FAM186B: variants seen among roughly 807,000 people sequenced by gnomAD.
FAM186B encodes the protein protein FAM186B.
FAM186B carries 68 observed loss-of-function variants against 83.4 expected under a neutral mutation model. That is an observed-to-expected ratio of 0.81 (90% confidence interval 0.67 to 1.00). The LOEUF is 1.00. Among genes scored for constraint, FAM186B ranks in the 50% least tolerant of loss-of-function variants. The pLI is 0.00. For missense variants in FAM186B, 983 were observed against 1,099.2 expected, an observed-to-expected ratio of 0.89 and a Z score of 1.49; for synonymous variants, 389 against 422.0, an observed-to-expected ratio of 0.92 and a Z score of 0.96.
At chr12:49,587,476 C>T, downstream of FAM186B, 1 of 1,326,174 alleles carries the variant, frequency 7.5e-7, no homozygotes, top group Non-Finnish European at 1.1e-6. Flanking sequence ...CTCTCTCTAT[C>T]TGGTGTGGGA....
At chr12:49,599,366 T>C in intron 4 of FAM186B, 103 bp downstream of exon 4, 1 of 1,417,612 alleles carries the variant, frequency 7.1e-7, no homozygotes, top group South Asian at 1.8e-5. Context: ...GGGGTGGCTC[T>C]CCCCATCCCC....
chr12:49,592,905 G>A (rs1296909456), intron 5 of FAM186B, among the ~76,000 whole-genome samples: 1 of 152,080 alleles, frequency 6.6e-6, no homozygotes, highest in Non-Finnish European at 1.5e-5. Flanking sequence ...CAGGAAAAGA[G>A]GGAAAAAAAC....
At chr12:49,599,387 T>C (rs1939809563) in intron 4 of FAM186B, 82 bp downstream of exon 4, 1 of 1,457,074 alleles carries the variant, frequency 6.9e-7, no homozygotes, top group African/African-American at 1.4e-5. Context: ...CCTTGCCCTG[T>C]GTTCCTTCTC....
At chr12:49,619,033 A>T in the FAM186B span, among the ~76,000 whole-genome samples, 1 of 152,260 alleles carries the variant, frequency 6.6e-6, no homozygotes, top group African/African-American at 2.4e-5. Context: ...CAGACTTCTC[A>T]TTCTCCACAG....
At position 49,603,248 on chromosome 12, in the gene FAM186B, C is replaced by G. The variant is rs1405028425; in HGVS notation, c.442G>C (p.Gly148Arg). Residue 148 changes from glycine (G) to arginine (R), a missense_variant, in exon 3 of 7, where the codon GGC (glycine) becomes CGC (arginine). Transcript: ENST00000257894. Reference sequence around the variant, plus strand: ...CAAAGGGCAGTGAGTGACTCGATGCCTCTTTTGGTGGCAATGAGGGACAGC... The same window carrying G: ...CAAAGGGCAGTGAGTGACTCGATGCGTCTTTTGGTGGCAATGAGGGACAGC... ...LPLSLIATKR[G>R]IESLTALCST... The G allele has an allele frequency of 6.2e-7, 1 of 1,614,194 alleles. No individual in the cohort carries two copies. Among genetic ancestry groups the G allele is most frequent in the South Asian group, 1.1e-5 (1 of 91,084 alleles).
At position 49,587,607 on chromosome 12, in the gene FAM186B, A is replaced by G; in HGVS notation, c.2680T>C (p.Ter894GlnextTer14). Reference protein sequence around the residue: ...DIPRLLTLDV* With the variant: ...DIPRLLTLDVQ ...TTCAGGCTTTTGTGGCAGGAGGACT[A>G]CACGTCCAGTGTCAACAGCCGGGGA... Residue 894 changes from the stop codon to glutamine (Q), a stop_lost, in exon 7 of 7, where the codon TAG becomes CAG. Coordinates refer to ENST00000257894, the MANE Select transcript of FAM186B (RefSeq NM_032130.3). The G allele has an allele frequency of 6.2e-7, 1 of 1,613,348 alleles. No individual in the cohort carries two copies. Among genetic ancestry groups the G allele is most frequent in the South Asian group, 1.1e-5 (1 of 91,066 alleles).
At position 49,603,225 on chromosome 12, in the gene FAM186B, A is replaced by C. The variant is rs900727178; in HGVS notation, c.465T>G (p.Leu155=). 6.2e-7 allele frequency: 1 copy of C among 1,614,174 alleles called. No individual in the cohort carries two copies. Residue 155 remains leucine (L), a synonymous_variant, in exon 3 of 7, where the codon CTT becomes CTG. Coordinates refer to ENST00000257894, the MANE Select transcript of FAM186B (RefSeq NM_032130.3). ...TTTGTCCTTCAATGAGAGTGGAGCA[A>C]AGGGCAGTGAGTGACTCGATGCCTC... ...TKRGIESLTA[L]CSTLIEGQKK... is the part of the protein sequence containing the mutation.
At position 49,605,492 on chromosome 12, in the gene FAM186B, TC is replaced by T. The variant is rs1565814086; in HGVS notation, c.-16del. On this transcript the variant is annotated 5_prime_UTR_variant, in exon 1 of 7. The change abolishes the stop of an existing upstream ORF in the 5' untranslated region. Transcript: ENST00000257894. ...TCCTTCTCCATTTTGGATCACTCTG[TC>T]AGTCACAAAACATCCTGTGTTTCTG... 6.2e-7 allele frequency: 1 copy of T among 1,610,636 alleles called. No homozygotes were observed. Among genetic ancestry groups the T allele is most frequent in the African/African-American group, 1.3e-5 (1 of 74,992 alleles).
upstream of FAM186B, among the ~76,000 whole-genome samples, chr12:49,607,940 T>C (rs1940052197): frequency 6.6e-6 from 1 of 151,822 alleles, no homozygotes; most frequent in African/African-American, 2.4e-5. Context: ...CCCCAGGTGA[T>C]CCACCCACCT....
Position 49,600,496 on chromosome 12 carries a change from T to C in FAM186B, c.1144A>G (p.Ser382Gly), listed in dbSNP as rs557876589. 2.5e-6 allele frequency: 4 copies of C among 1,614,046 alleles called. No homozygotes were observed. The highest frequency in any genetic ancestry group is 4.5e-5 in the East Asian group (2 of 44,878). Residue 382 changes from serine (S) to glycine (G), a missense_variant, in exon 4 of 7, where the codon AGT (serine) becomes GGT (glycine). Coordinates refer to ENST00000257894, the MANE Select transcript of FAM186B (RefSeq NM_032130.3). The surrounding 1 kb of genome is among the most constrained non-coding windows in gnomAD (Gnocchi z 4.3). ...PPSPMAMIRD[S>G]GAIAAGHQPL... The stretch of plus-strand genomic sequence containing the variant: ...TGGTGCCCTGCAGCTATAGCACCAC[T>C]GTCCCGTATCATGGCCATGGGACTT...
Position 49,603,229 on chromosome 12 carries a change from G to A in FAM186B, c.461C>T (p.Ala154Val), listed in dbSNP as rs1302830751. The A allele has an allele frequency of 1.9e-6, 3 of 1,614,172 alleles. No individual in the cohort carries two copies. Among genetic ancestry groups the A allele is most frequent in the Non-Finnish European group, 2.5e-6 (3 of 1,180,040 alleles). The change falls in exon 3 of 7, where the codon GCC (alanine) becomes GTC (valine). Residue 154 changes from alanine to valine, a missense_variant. Transcript: ENST00000257894. Reference sequence around the variant, plus strand: ...TCCTTCAATGAGAGTGGAGCAAAGGGCAGTGAGTGACTCGATGCCTCTTTT... The same window carrying A: ...TCCTTCAATGAGAGTGGAGCAAAGGACAGTGAGTGACTCGATGCCTCTTTT... ...ATKRGIESLT[A>V]LCSTLIEGQK...
the FAM186B span, among the ~76,000 whole-genome samples, chr12:49,615,403 G>C: frequency 6.6e-6 from 1 of 152,218 alleles, no homozygotes; most frequent in Non-Finnish European, 1.5e-5. Flanking sequence ...ACATGTATTT[G>C]ATAAAGGAGT....
rs747540745 is a variant in FAM186B, at chr12:49,599,755, G to A, written c.1885C>T (p.Pro629Ser). 8.7e-6 allele frequency: 14 copies of A among 1,614,152 alleles called. No homozygotes were observed. The South Asian group carries it at 1.4e-4, about 16-fold the overall frequency. Residue 629 changes from proline (P) to serine (S), a missense_variant, in exon 4 of 7, where the codon CCC becomes TCC. Transcript: ENST00000257894. ...ACAGGAAAGGAGGCAGATTTCTTGG[G>A]CTTTGTGGGAACTCGGCGGGTCCGT... ...RPRTRRVPTK[P>S]KKSASFPVTG...
chr12:49,588,287 G>A (rs1159435871), intron 6 of FAM186B, among the ~76,000 whole-genome samples, 167 bp downstream of exon 6: 1 of 152,224 alleles, frequency 6.6e-6, no homozygotes, highest in African/African-American at 2.4e-5. Context: ...GTGGGTCAGT[G>A]GCCAGCACTG....
intron 2 of FAM186B, among the ~76,000 whole-genome samples, chr12:49,603,682 G>T (rs1003388186): frequency 2.0e-5 from 3 of 152,184 alleles, no homozygotes; most frequent in African/African-American, 7.2e-5. Context: ...GCTCTATGCC[G>T]ATTGCCTAGT....
At chr12:49,589,656 CAAAG>C (rs1012723052) in intron 5 of FAM186B, among the ~76,000 whole-genome samples, 24 of 151,226 alleles carry the variant, frequency 1.6e-4, no homozygotes, top group East Asian at 3.9e-4. Flanking sequence ...AAAAAAAAGA[CAAAG>C]AAGTTAAATC....
chr12:49,607,714 TTCTGAGACAGAGTCTTAC>T (rs1192878196), upstream of FAM186B, among the ~76,000 whole-genome samples: 1 of 152,208 alleles, frequency 6.6e-6, no homozygotes, highest in Non-Finnish European at 1.5e-5. Flanking sequence ...TTTTAATTTT[TTCTGAGACAGAGTCTTAC>T]TCTGTTGCCC....
upstream of FAM186B, among the ~76,000 whole-genome samples, chr12:49,610,521 T>G (rs1940073048): frequency 6.6e-6 from 1 of 152,224 alleles, no homozygotes. Context: ...CTGGGCGTGG[T>G]GGCTCACGCC....
chr12:49,594,321 CATT>C (rs1367494706), intron 5 of FAM186B: 31 of 179,618 alleles, frequency 1.7e-4, no homozygotes, highest in East Asian at 5.0e-4. Flanking sequence ...TAATGTTTCT[CATT>C]GTTGTATAGC....
Sources: allele counts gnomAD v4.1 joint callset (sites outside exome capture counted in the v4.1 genomes callset), GRCh38; gene constraint gnomAD v4.1.1; non-coding constraint Gnocchi (gnomAD v3.1); transcripts MANE v1.5; gene names NCBI Gene and HGNC (gene_info 2026-07-23, HGNC 2026-07-21).